Variants in ASTN2 observed in about 807,000 individuals in gnomAD.
The protein encoded by ASTN2 is astrotactin-2.
A neutral mutation model predicts 139.8 loss-of-function variants in ASTN2; 54 were observed. The observed-to-expected ratio is 0.39, with a 90% CI of 0.31 to 0.48. The LOEUF (loss-of-function observed/expected upper bound fraction) is 0.48. Ranked by LOEUF, ASTN2 falls within the 20% of genes least tolerant of loss-of-function variation. The pLI, the probability that ASTN2 is intolerant of heterozygous loss-of-function variation, is 0.95. For missense variants in ASTN2, 1,565 were observed against 1,725.1 expected, an observed-to-expected ratio of 0.91 and a Z score of 1.64; for synonymous variants, 756 against 719.5, an observed-to-expected ratio of 1.05 and a Z score of -0.81.
chr9:116,441,439 TA>T (rs5900210), intron 21 of ASTN2, among the ~76,000 whole-genome samples: 82,631 of 151,532 alleles, frequency 0.55, 23,958 homozygotes, highest in Non-Finnish European at 0.66. Context: ...TCTGGAAACT[TA>T]AGAGTAAAAA....
chr9:116,912,864 C>A (rs1834354437), intron 10 of ASTN2, among the ~76,000 whole-genome samples: 1 of 152,084 alleles, frequency 6.6e-6, no homozygotes, highest in Non-Finnish European at 1.5e-5. Flanking sequence ...CAGGCCTGCA[C>A]TTCCTTCTTC....
chr9:117,037,575 G>A (rs1838423162), intron 6 of ASTN2, among the ~76,000 whole-genome samples: 1 of 152,146 alleles, frequency 6.6e-6, no homozygotes, highest in African/African-American at 2.4e-5. Flanking sequence ...CAAAGCCTGT[G>A]CTCTTAGCCA....
At chr9:117,091,644 A>C (rs1828709211) in intron 5 of ASTN2, among the ~76,000 whole-genome samples, 1 of 152,034 alleles carries the variant, frequency 6.6e-6, no homozygotes, top group South Asian at 2.1e-4. Context: ...AGGCTGTGGC[A>C]GGACAGATGC....
intron 6 of ASTN2, among the ~76,000 whole-genome samples, chr9:117,037,291 C>A (rs1007491561): frequency 6.6e-6 from 1 of 151,444 alleles, no homozygotes; most frequent in African/African-American, 2.4e-5. Flanking sequence ...GTCTATCCTT[C>A]CAAATCATCA....
At chr9:117,150,441 A>T (rs1445326477) in intron 3 of ASTN2, among the ~76,000 whole-genome samples, 1 of 152,168 alleles carries the variant, frequency 6.6e-6, no homozygotes, top group Non-Finnish European at 1.5e-5. Flanking sequence ...TTTGAGGAAA[A>T]AAGGGTCAAG....
chr9:116,603,800 C>T (rs888986745), intron 19 of ASTN2, among the ~76,000 whole-genome samples: 2 of 152,070 alleles, frequency 1.3e-5, no homozygotes, highest in African/African-American at 2.4e-5. Flanking sequence ...CTTCTCTTGG[C>T]GTCTCTAACG....
rs12342776 is a variant in ASTN2, at chr9:117,300,166, G to A, written c.443-8653C>T. 4.2e-3 allele frequency among the ~76,000 whole-genome samples: 634 copies of A among 152,286 alleles called. 6 individuals carry two copies. Among genetic ancestry groups the A allele is most frequent in the African/African-American group, 0.015 (607 of 41,554 alleles). ...TCTACTGACTATCTGAAATGTGCCA[G>A]GCACAGTGCTAGGTCCTAAGGATAG... On this transcript the variant is annotated intron_variant, in intron 1 of 22. Transcript: ENST00000313400.
At chr9:116,611,492 A>G (rs922877800) in intron 19 of ASTN2, 21 of 152,240 alleles carry the variant, frequency 1.4e-4, no homozygotes, top group African/African-American at 4.8e-4. Context: ...AATACAAATA[A>G]ATGTCATAGC....
chr9:116,681,805 G>C (rs1053877857), intron 16 of ASTN2, among the ~76,000 whole-genome samples: 3 of 151,950 alleles, frequency 2.0e-5, no homozygotes, highest in Non-Finnish European at 4.4e-5. Flanking sequence ...ATGGTGCTGG[G>C]AAAACTGGCT....
chr9:117,205,937 A>C (rs1325486125), intron 3 of ASTN2, among the ~76,000 whole-genome samples: 2 of 152,262 alleles, frequency 1.3e-5, no homozygotes, highest in East Asian at 3.8e-4. Context: ...TCCTGTGCTT[A>C]TGTCCAAATA....
intron 5 of ASTN2, among the ~76,000 whole-genome samples, chr9:117,089,978 T>G (rs1431837278): frequency 6.6e-6 from 1 of 152,090 alleles, no homozygotes; most frequent in Non-Finnish European, 1.5e-5. Flanking sequence ...TGATATGGGG[T>G]TAGACTTATT....
At chr9:117,036,830 T>C (rs1460758269) in intron 6 of ASTN2, among the ~76,000 whole-genome samples, 1 of 152,166 alleles carries the variant, frequency 6.6e-6, no homozygotes, top group Non-Finnish European at 1.5e-5. Context: ...GTGCTGTGCA[T>C]TGTGTATCTG....
chr9:117,333,878 T>C (rs1587956889), intron 1 of ASTN2, among the ~76,000 whole-genome samples: 1 of 152,184 alleles, frequency 6.6e-6, no homozygotes, highest in Non-Finnish European at 1.5e-5. Flanking sequence ...GGTGAGTTAA[T>C]GTCAGCACTA....
chr9:117,389,752 G>C (rs1352489648), intron 1 of ASTN2, among the ~76,000 whole-genome samples: 1 of 151,486 alleles, frequency 6.6e-6, no homozygotes, highest in Non-Finnish European at 1.5e-5. Context: ...ATGCGGTATT[G>C]AAAAAAAGAG....
At chr9:117,387,920 C>T (rs1462314110) in intron 1 of ASTN2, among the ~76,000 whole-genome samples, 1 of 152,124 alleles carries the variant, frequency 6.6e-6, no homozygotes, top group Non-Finnish European at 1.5e-5. Flanking sequence ...GCTGCAAAGG[C>T]TAGAGCTGAA....
At position 116,997,481 on chromosome 9, in the gene ASTN2, T is replaced by C. The variant is rs117064323; in HGVS notation, c.1591+10611A>G. ...TCAATTCAATTCAGTATTTTTGTTT[T>C]TTTCAAGTCAACTTATTCAGTAAAT... is the stretch of plus-strand genomic sequence containing the variant. On this transcript the variant is annotated intron_variant, in intron 7 of 22. Coordinates refer to ENST00000313400, the MANE Select transcript of ASTN2 (RefSeq NM_001365068.1). Among the ~76,000 whole-genome samples the C allele has an allele frequency of 6.6e-3, 999 of 152,306 alleles. 15 individuals are homozygous for C. The highest frequency in any genetic ancestry group is 0.051 in the East Asian group (262 of 5,180).
At chr9:116,840,405 C>A (rs1426165056) in intron 11 of ASTN2, among the ~76,000 whole-genome samples, 2 of 149,576 alleles carry the variant, frequency 1.3e-5, no homozygotes, top group African/African-American at 4.9e-5. Flanking sequence ...ACCTCCCAGA[C>A]GGGGTGGTGG....
At chr9:116,860,324 G>T (rs944455433) in intron 11 of ASTN2, among the ~76,000 whole-genome samples, 1 of 152,160 alleles carries the variant, frequency 6.6e-6, no homozygotes, top group African/African-American at 2.4e-5. Context: ...AATTTGTGTG[G>T]CCCCAAATAT....
chr9:116,657,367 T>C (rs1858280929), intron 16 of ASTN2, among the ~76,000 whole-genome samples: 1 of 152,234 alleles, frequency 6.6e-6, no homozygotes, highest in African/African-American at 2.4e-5. Flanking sequence ...GTTGTTGCTG[T>C]AGTTGTCATA....
Sources: allele counts gnomAD v4.1 joint callset (sites outside exome capture counted in the v4.1 genomes callset), GRCh38; gene constraint gnomAD v4.1.1; transcripts MANE v1.5; gene names NCBI Gene and HGNC (gene_info 2026-07-23, HGNC 2026-07-21).